Variants in NR2F1-AS1 observed in about 807,000 individuals in gnomAD.
NR2F1-AS1 encodes the protein NR2F1 regulatory antisense RNA 1.
At chr5:93,532,874 A>AG (rs1751763425) in intron 4 of NR2F1-AS1, among the ~76,000 whole-genome samples, 1 of 152,268 alleles carries the variant, frequency 6.6e-6, no homozygotes. Context: ...CAATCATACT[A>AG]GAACCACAAA....
chr5:93,567,916 T>C (rs141733760), intron 1 of NR2F1-AS1, among the ~76,000 whole-genome samples: 1 of 152,300 alleles, frequency 6.6e-6, no homozygotes, highest in East Asian at 1.9e-4. Context: ...TATGGTCAAA[T>C]ATCTGGGTAA....
chr5:93,414,848 G>A (rs1425875912), intron 4 of NR2F1-AS1, among the ~76,000 whole-genome samples: 3 of 151,904 alleles, frequency 2.0e-5, no homozygotes, highest in Non-Finnish European at 2.9e-5. Flanking sequence ...GTTTTCTTTT[G>A]TTATGTAAGA....
chr5:93,501,475 T>C (rs1328191231), intron 4 of NR2F1-AS1, among the ~76,000 whole-genome samples: 1 of 151,600 alleles, frequency 6.6e-6, no homozygotes. Context: ...TGCCTCAGCC[T>C]CCTGAGTAGC....
At chr5:93,558,893 T>A (rs1752422805) in intron 2 of NR2F1-AS1, among the ~76,000 whole-genome samples, 1 of 152,184 alleles carries the variant, frequency 6.6e-6, no homozygotes, top group South Asian at 2.1e-4. Flanking sequence ...GACTTTGCTG[T>A]TCCGTTTAAA....
chr5:93,541,096 G>A (rs2149905678), intron 4 of NR2F1-AS1, among the ~76,000 whole-genome samples: 1 of 152,270 alleles, frequency 6.6e-6, no homozygotes, highest in East Asian at 1.9e-4. Flanking sequence ...TTGTATTTGA[G>A]TTAATTTTGA....
chr5:93,550,713 G>A (rs143643739), intron 4 of NR2F1-AS1, among the ~76,000 whole-genome samples: 79 of 152,258 alleles, frequency 5.2e-4, no homozygotes, highest in African/African-American at 1.7e-3. Flanking sequence ...TAAAATGTTA[G>A]CAAGTGCATT....
chr5:93,524,889 G>C (rs893813766), intron 4 of NR2F1-AS1, among the ~76,000 whole-genome samples: 2 of 152,140 alleles, frequency 1.3e-5, no homozygotes, highest in Non-Finnish European at 2.9e-5. Context: ...ACCAATACCA[G>C]CCACTGCAAA....
intron 4 of NR2F1-AS1, among the ~76,000 whole-genome samples, chr5:93,423,780 T>C (rs758602937): frequency 9.2e-5 from 14 of 152,146 alleles, no homozygotes; most frequent in Non-Finnish European, 1.6e-4. Flanking sequence ...TGAGTCAGCA[T>C]TGGTTAAATA....
intron 4 of NR2F1-AS1, chr5:93,409,920 G>A (rs1472494469): frequency 6.6e-6 from 1 of 152,130 alleles, no homozygotes; most frequent in East Asian, 1.9e-4. Flanking sequence ...TGTATTGGCA[G>A]CTTAATTAAG....
At chr5:93,487,217 A>G (rs1750743551) in intron 4 of NR2F1-AS1, among the ~76,000 whole-genome samples, 1 of 152,192 alleles carries the variant, frequency 6.6e-6, no homozygotes. Context: ...CACCACTCCT[A>G]TTCAACATAG....
intron 4 of NR2F1-AS1, among the ~76,000 whole-genome samples, chr5:93,444,054 T>C (rs1353829457): frequency 6.6e-6 from 1 of 152,104 alleles, no homozygotes; most frequent in Non-Finnish European, 1.5e-5. Context: ...AAGGAAGCAC[T>C]AAACATGGAA....
intron 4 of NR2F1-AS1, among the ~76,000 whole-genome samples, chr5:93,435,644 AATGCCCCTCCTG>A (rs1749418169): frequency 6.6e-6 from 1 of 152,148 alleles, no homozygotes; most frequent in South Asian, 2.1e-4. Context: ...CTCTGCCTGG[AATGCCCCTCCTG>A]ATGCCCCATC....
intron 4 of NR2F1-AS1, among the ~76,000 whole-genome samples, chr5:93,457,392 A>C (rs1749974215): frequency 6.6e-6 from 1 of 152,200 alleles, no homozygotes; most frequent in Admixed American, 6.5e-5. Context: ...CATAGCCCTA[A>C]ATCCACTAAA....
chr5:93,442,190 C>T (rs1580226786), intron 4 of NR2F1-AS1, among the ~76,000 whole-genome samples: 1 of 152,266 alleles, frequency 6.6e-6, no homozygotes, highest in East Asian at 1.9e-4. Flanking sequence ...CTCACTGGGG[C>T]TTGTCGGACA....
intron 1 of NR2F1-AS1, among the ~76,000 whole-genome samples, chr5:93,580,231 G>A (rs967195290): frequency 6.6e-6 from 1 of 152,250 alleles, no homozygotes; most frequent in Non-Finnish European, 1.5e-5. Context: ...CGCCTGGCAC[G>A]ATCCTCCCCT....
At chr5:93,531,506 GT>G (rs1398201892) in intron 4 of NR2F1-AS1, among the ~76,000 whole-genome samples, 4 of 152,132 alleles carry the variant, frequency 2.6e-5, no homozygotes, top group Non-Finnish European at 5.9e-5. Flanking sequence ...CTAATAAAAT[GT>G]TTTTCTTTTC....
chr5:93,559,039 T>G (rs1220528852), intron 2 of NR2F1-AS1, among the ~76,000 whole-genome samples: 1 of 152,236 alleles, frequency 6.6e-6, no homozygotes, highest in African/African-American at 2.4e-5. Flanking sequence ...TTTGAGGCTT[T>G]GAAATCAGGC....
At chr5:93,574,872 G>A (rs545354035) in intron 1 of NR2F1-AS1, among the ~76,000 whole-genome samples, 9 of 152,290 alleles carry the variant, frequency 5.9e-5, no homozygotes, top group East Asian at 5.8e-4. Context: ...TGGACAGGGC[G>A]GCTCCTATGC....
At chr5:93,436,683 T>C (rs1028153606) in intron 4 of NR2F1-AS1, among the ~76,000 whole-genome samples, 3 of 152,158 alleles carry the variant, frequency 2.0e-5, no homozygotes, top group African/African-American at 4.8e-5. Context: ...GCCAATACAT[T>C]TGTCAACATG....
Sources: allele counts gnomAD v4.1 joint callset (sites outside exome capture counted in the v4.1 genomes callset), GRCh38; gene constraint gnomAD v4.1.1; transcripts MANE v1.5; gene names NCBI Gene and HGNC (gene_info 2026-07-23, HGNC 2026-07-21).